Variants in ADNP observed in about 807,000 individuals in gnomAD.
The protein encoded by ADNP is activity dependent neuroprotector homeobox.
A neutral mutation model predicts 84.9 loss-of-function variants in ADNP; 4 were observed. The ratio of observed to expected loss-of-function variants is 0.05; its 90% CI spans 0.02 to 0.11. The LOEUF is 0.11. ADNP is among the 10% of genes least tolerant of loss of function. ADNP has a pLI of 1.00. For synonymous variants in ADNP, 554 were observed against 468.1 expected (o/e 1.18, Z -2.37); for missense variants, 1,132 against 1,326.0 (o/e 0.85, Z 2.27).
At chr20:50,928,412 T>C (rs1231813367) in intron 2 of ADNP, among the ~76,000 whole-genome samples, 4 of 152,222 alleles carry the variant, frequency 2.6e-5, no homozygotes, top group Admixed American at 2.0e-4. Flanking sequence ...CAAAGGGGTG[T>C]AGAATGCAAA....
At chr20:50,918,494 T>C (rs544771679) in intron 2 of ADNP, among the ~76,000 whole-genome samples, 1 of 151,826 alleles carries the variant, frequency 6.6e-6, no homozygotes, top group Admixed American at 6.5e-5. Flanking sequence ...TTTAAGTACT[T>C]AAAGAAAAAA....
intron 2 of ADNP, among the ~76,000 whole-genome samples, chr20:50,914,882 G>T (rs1025002408): frequency 6.6e-6 from 1 of 152,114 alleles, no homozygotes; most frequent in Admixed American, 6.6e-5. Flanking sequence ...TTATTTTTGT[G>T]ATAGGAGGAA....
intron 1 of ADNP, among the ~76,000 whole-genome samples, chr20:50,930,410 G>A (rs1255453587): frequency 1.3e-5 from 2 of 151,880 alleles, no homozygotes; most frequent in African/African-American, 4.8e-5. Context: ...CAGAAGGCTG[G>A]TTCAAGGCAT....
chr20:50,914,720 G>C (rs959476395), intron 2 of ADNP, among the ~76,000 whole-genome samples: 1 of 152,162 alleles, frequency 6.6e-6, no homozygotes, highest in South Asian at 2.1e-4. Context: ...CTCTGAAATA[G>C]AATAGCTCCA....
At chr20:50,918,136 T>C (rs1333830955) in intron 2 of ADNP, among the ~76,000 whole-genome samples, 8 of 152,148 alleles carry the variant, frequency 5.3e-5, no homozygotes, top group Admixed American at 5.2e-4. Context: ...AGTTTATGTA[T>C]ACTTTACAAC....
At chr20:50,920,370 C>A (rs1362762826) in intron 2 of ADNP, among the ~76,000 whole-genome samples, 1 of 151,366 alleles carries the variant, frequency 6.6e-6, no homozygotes, top group Non-Finnish European at 1.5e-5. Flanking sequence ...CACTTGAGGT[C>A]AGGAGTTTGA....
intron 5 of ADNP, among the ~76,000 whole-genome samples, chr20:50,898,040 G>A (rs897421306): frequency 1.3e-5 from 2 of 152,172 alleles, no homozygotes; most frequent in Non-Finnish European, 2.9e-5. Context: ...AAGCAAGACT[G>A]TCATCCAGTC....
chr20:50,913,297 T>C (rs974734993), intron 2 of ADNP, among the ~76,000 whole-genome samples: 1 of 123,366 alleles, frequency 8.1e-6, no homozygotes, highest in African/African-American at 2.9e-5. Flanking sequence ...AAGGTATCTG[T>C]ATTTTCTAAG....
chr20:50,924,507 G>A (rs1181118761), intron 2 of ADNP, among the ~76,000 whole-genome samples: 1 of 152,204 alleles, frequency 6.6e-6, no homozygotes, highest in Non-Finnish European at 1.5e-5. Context: ...AACCAGCCCA[G>A]ACATACTCTG....
chr20:50,914,368 G>A, intron 2 of ADNP: 2 of 627,278 alleles, frequency 3.2e-6, no homozygotes, highest in South Asian at 3.8e-5. Flanking sequence ...GGTGCCCTGG[G>A]TTTAGTACTC....
chr20:50,895,045 A>G (rs1981236545), intron 5 of ADNP, among the ~76,000 whole-genome samples: 1 of 152,260 alleles, frequency 6.6e-6, no homozygotes, highest in Non-Finnish European at 1.5e-5. Context: ...TAGGGAAAAA[A>G]AGTCACATTT....
At chr20:50,919,366 A>C (rs986319680) in intron 2 of ADNP, among the ~76,000 whole-genome samples, 1 of 150,130 alleles carries the variant, frequency 6.7e-6, no homozygotes, top group Non-Finnish European at 1.5e-5. Flanking sequence ...GCTACTTGGG[A>C]GGCTGAGGTG....
At chr20:50,915,267 A>G (rs964016672) in intron 2 of ADNP, among the ~76,000 whole-genome samples, 3 of 152,182 alleles carry the variant, frequency 2.0e-5, no homozygotes, top group South Asian at 2.1e-4. Context: ...GGTCACGGTA[A>G]AACCCTATTT....
In ADNP at chr20:50,893,735, G is replaced by T; in HGVS notation, c.979C>A (p.Leu327Met). 4 of 1,614,142 alleles carry T rather than the reference G, an allele frequency of 2.5e-6. No homozygotes were observed. The highest frequency in any genetic ancestry group is 3.4e-6 in the Non-Finnish European group (4 of 1,180,038). Reference sequence around the variant, plus strand: ...TTGACTCCATAGTTGTTCTGCTGCAGATGAACACTGGACATCATGTTGACT... The same window carrying T: ...TTGACTCCATAGTTGTTCTGCTGCATATGAACACTGGACATCATGTTGACT... ...TGVNMMSSVH[L>M]QQNNYGVKSV... The change falls in exon 6 of 6, where the codon CTG becomes ATG. Residue 327 changes from leucine (L) to methionine (M), a missense_variant. This residue lies in a region of ADNP where 239 missense variants were observed against 213.2 expected (regional missense o/e 1.12). Coordinates refer to ENST00000621696, the MANE Select transcript of ADNP (RefSeq NM_001282531.3). The surrounding 1 kb of genome is among the most constrained non-coding windows in gnomAD (Gnocchi z 4.4).
At chr20:50,923,096 G>A (rs1258397853) in intron 2 of ADNP, among the ~76,000 whole-genome samples, 3 of 152,074 alleles carry the variant, frequency 2.0e-5, no homozygotes, top group Non-Finnish European at 2.9e-5. Flanking sequence ...AACAAAACAC[G>A]GTAATGGGGT....
At chr20:50,930,486 G>C (rs1984635194) in intron 1 of ADNP, among the ~76,000 whole-genome samples, 1 of 151,430 alleles carries the variant, frequency 6.6e-6, no homozygotes, top group Non-Finnish European at 1.5e-5. Context: ...CAGGATGGGA[G>C]AAGCTCGGTT....
chr20:50,905,982 G>A (rs1331331458), intron 2 of ADNP, among the ~76,000 whole-genome samples: 1 of 152,168 alleles, frequency 6.6e-6, no homozygotes, highest in East Asian at 1.9e-4. Context: ...GGAGGCCGAG[G>A]AGGGCAGATC....
Position 50,889,707 on chromosome 20 carries a change from CATT to C in ADNP, c.*1695_*1697del, listed in dbSNP as rs573864810. 225 of 393,114 alleles carry C rather than the reference CATT, an allele frequency of 5.7e-4. No homozygotes were observed. Among genetic ancestry groups the C allele is most frequent in the African/African-American group, 3.7e-3 (179 of 48,644 alleles). The allele number at this position is 393,114 out of a possible 1,614,324, so 24.4% of individuals were successfully genotyped here. A position where few individuals can be genotyped will look rare whatever the true frequency, so the allele number is the denominator to read the frequency against. On this transcript the variant is annotated 3_prime_UTR_variant, in exon 6 of 6. Transcript: ENST00000621696. The stretch of plus-strand genomic sequence containing the variant: ...CTCCTCATGGATTGGAGTTTCCCAT[CATT>C]GTTTTAATTGCTGGAAATGTTGGCC...
intron 2 of ADNP, among the ~76,000 whole-genome samples, chr20:50,922,776 T>C (rs1984042729): frequency 6.6e-6 from 1 of 151,920 alleles, no homozygotes; most frequent in South Asian, 2.1e-4. Context: ...AGAGATGGGG[T>C]TTCACCACGA....
Sources: gnomAD v4.1 joint callset for allele counts (sites outside exome capture counted in the v4.1 genomes callset) on GRCh38, gnomAD v4.1.1 for gene constraint, gnomAD v4.1.1 regional missense constraint, Gnocchi (gnomAD v3.1) non-coding constraint, MANE v1.5 for transcripts, NCBI Gene and HGNC (gene_info 2026-07-23, HGNC 2026-07-21) for gene names.